Variants in ZFTA observed in about 807,000 individuals in gnomAD.
ZFTA encodes zinc finger translocation-associated protein.
A neutral mutation model predicts 41.8 loss-of-function variants in ZFTA; 35 were observed. The ratio of observed to expected loss-of-function variants is 0.84; its 90% CI spans 0.64 to 1.11. ZFTA has a LOEUF of 1.11. ZFTA is among the 50% of genes most tolerant of loss of function. The probability of loss-of-function intolerance (pLI) is 0.00; values close to 1 mark genes in which losing one functional copy is unlikely to be tolerated. For synonymous variants in ZFTA, 514 were observed against 436.4 expected (o/e 1.18, Z -2.22); for missense variants, 964 against 989.8 (o/e 0.97, Z 0.35).
rs540819049 is a variant in ZFTA at position 63,762,585 on chromosome 11, C to G, written c.*833G>C. On this transcript the variant is annotated 3_prime_UTR_variant, in exon 5 of 5. Coordinates refer to ENST00000433688, the MANE Select transcript of ZFTA (RefSeq NM_001144936.2). ...GCTGACTGCCGGGACCGCCTGTGCC[C>G]CGGGCTCCCACGGACTTGGTTTAGG... is the stretch of plus-strand genomic sequence containing the variant. The G allele has an allele frequency of 6.6e-6, 1 of 152,372 alleles. No homozygotes were observed. The highest frequency in any genetic ancestry group is 6.5e-5 in the Admixed American group (1 of 15,288). The allele number at this position is 152,372 out of a possible 1,614,324, so 9.4% of individuals were successfully genotyped here.
rs1232752082 is a variant in ZFTA at position 63,764,147 on chromosome 11, C to A, written c.1476G>T (p.Pro492=). The A allele has an allele frequency of 3.0e-6, 4 of 1,351,538 alleles. No homozygotes were observed. Among genetic ancestry groups the A allele is most frequent in the Non-Finnish European group, 3.8e-6 (4 of 1,058,204 alleles). The allele number at this position is 1,351,538 out of a possible 1,614,324, so 83.7% of individuals were successfully genotyped here. A position where few individuals can be genotyped will look rare whatever the true frequency, so the allele number is the denominator to read the frequency against. Residue 492 remains proline, a synonymous_variant, in exon 4 of 5, where the codon CCG becomes CCT. Transcript: ENST00000433688. ...GGCCCTGGGGGGACTCGGGGCGGGG[C>A]GGCCCCAGGGCCAGCAGGTGGGCGG... ...EKAAHLLALG[P]PRPESPQGPI...
chr11:63,765,954 T>C lies in ZFTA; in HGVS notation c.490A>G (p.Ser164Gly). 1.3e-6 allele frequency: 2 copies of C among 1,551,776 alleles called. No individual in the cohort carries two copies. The highest frequency in any genetic ancestry group is 1.7e-6 in the Non-Finnish European group (2 of 1,146,996). Residue 164 changes from serine to glycine, a missense_variant, in exon 2 of 5, where the codon AGC (serine) becomes GGC (glycine). Coordinates refer to ENST00000433688, the MANE Select transcript of ZFTA (RefSeq NM_001144936.2). This position sits in a 1 kb window ranked among gnomAD's most constrained non-coding sequence, Gnocchi z 4.0. ...HWSPREKEVISNSWDAHLGLG... is the reference protein window; with the variant it reads ...HWSPREKEVIGNSWDAHLGLG... ...CCCAGGTGTGCATCCCAGCTGTTGC[T>C]GATGACTTCCTTCTCCCGGGGACTC...
At position 63,761,226 on chromosome 11, in the gene ZFTA, C is replaced by T. The variant is rs904626754; in HGVS notation, c.*2192G>A. On this transcript the variant is annotated 3_prime_UTR_variant, in exon 5 of 5. Transcript: ENST00000433688. ...GAGGTTCAAACTCACTGGGAATTTA[C>T]TTTTCAGTCAATTGACAACCCATTC... 1.3e-5 allele frequency: 2 copies of T among 152,230 alleles called. No homozygotes were observed. The highest frequency in any genetic ancestry group is 4.8e-5 in the African/African-American group (2 of 41,444). 9.4% of individuals were successfully genotyped at this position (152,230 alleles called of 1,614,324 possible).
Position 63,763,267 on chromosome 11 carries a change from C to T in ZFTA, c.*151G>A, listed in dbSNP as rs993971707. The T allele has an allele frequency of 1.6e-5, 7 of 437,676 alleles. No individual in the cohort carries two copies. The highest frequency in any genetic ancestry group is 2.3e-5 in the Non-Finnish European group (7 of 307,084). The allele number at this position is 437,676 out of a possible 1,614,324, so 27.1% of individuals were successfully genotyped here. A position where few individuals can be genotyped will look rare whatever the true frequency, so the allele number is the denominator to read the frequency against. On this transcript the variant is annotated 3_prime_UTR_variant, in exon 5 of 5. Coordinates refer to ENST00000433688, the MANE Select transcript of ZFTA (RefSeq NM_001144936.2). ...ACGCCGGTGGCCCCACCCGATCCCCCGTCTCCGCCCGGCCCGGCCAGCGGG... is the reference window on the plus strand; with the variant it reads ...ACGCCGGTGGCCCCACCCGATCCCCTGTCTCCGCCCGGCCCGGCCAGCGGG...
chr11:63,763,568 C>T lies in ZFTA; in HGVS notation c.1887G>A (p.Met629Ile). 6.5e-7 allele frequency: 1 copy of T among 1,548,322 alleles called. No homozygotes were observed. The highest frequency in any genetic ancestry group is 1.4e-5 in the African/African-American group (1 of 72,976). The change falls in exon 5 of 5, where the codon ATG (methionine) becomes ATA (isoleucine). Residue 629 changes from methionine (M) to isoleucine (I), a missense_variant. Met to Ile is a conservative substitution (Grantham distance 10). Around this residue, in one of 5 missense-constraint regions of ZFTA, gnomAD observed 63 missense variants for 97.8 expected, o/e 0.64. Transcript: ENST00000433688. Reference sequence around the variant, plus strand: ...TCTGGCGCTCCTCAGGCGTGAAGTCCATGGAGAAGGGGTGCACCTGCAGGA... The same window carrying T: ...TCTGGCGCTCCTCAGGCGTGAAGTCTATGGAGAAGGGGTGCACCTGCAGGA... ...RHILQVHPFS[M>I]DFTPEERQTI...
rs2014586704 is a variant in ZFTA at position 63,759,940 on chromosome 11, T to C, written c.*3478A>G. ...CTTTATTCTTTATACACAGTTTGGG[T>C]AAAGTAAGAACCAAACACTGCTTCC... On this transcript the variant is annotated 3_prime_UTR_variant, in exon 5 of 5. Coordinates refer to ENST00000433688, the MANE Select transcript of ZFTA (RefSeq NM_001144936.2). 6.6e-6 allele frequency: 1 copy of C among 151,902 alleles called. No individual in the cohort carries two copies. The highest frequency in any genetic ancestry group is 2.1e-4 in the South Asian group (1 of 4,796). 9.4% of individuals were successfully genotyped at this position (151,902 alleles called of 1,614,324 possible).
rs1390310543 is a variant in ZFTA at position 63,761,250 on chromosome 11, TC to T, written c.*2167del. 1 of 152,226 alleles carries T rather than the reference TC, an allele frequency of 6.6e-6. No homozygotes were observed. The highest frequency in any genetic ancestry group is 1.5e-5 in the Non-Finnish European group (1 of 68,046). The allele number at this position is 152,226 out of a possible 1,614,324, so 9.4% of individuals were successfully genotyped here. A position where few individuals can be genotyped will look rare whatever the true frequency, so the allele number is the denominator to read the frequency against. ...ACTTTTCAGTCAATTGACAACCCAT[TC>T]AGGATCTTCCTGAATCCCTGGTGGC... is the stretch of plus-strand genomic sequence containing the variant. On this transcript the variant is annotated 3_prime_UTR_variant, in exon 5 of 5. Transcript: ENST00000433688.
At position 63,764,310 on chromosome 11, in the gene ZFTA, A is replaced by G; in HGVS notation, c.1313T>C (p.Val438Ala). The G allele has an allele frequency of 7.1e-7, 1 of 1,408,854 alleles. No individual in the cohort carries two copies. Among genetic ancestry groups the G allele is most frequent in the Non-Finnish European group, 9.2e-7 (1 of 1,087,266 alleles). 87.3% of individuals were successfully genotyped at this position (1,408,854 alleles called of 1,614,324 possible). ...CAGCGCGCCCCCGCACACCCCGCAC[A>G]CCAGGCCGCGCCGGCCGCCGTCCAA... ...MELDGGRRGLVCGVCGGALAS... is the reference protein window; with the variant it reads ...MELDGGRRGLACGVCGGALAS... Residue 438 changes from valine (V) to alanine (A), a missense_variant, in exon 4 of 5, where the codon GTG becomes GCG. Physicochemically the swap from Val to Ala is moderately conservative, Grantham distance 64. Around this residue, in one of 5 missense-constraint regions of ZFTA, gnomAD observed 584 missense variants for 523.1 expected, o/e 1.12. Transcript: ENST00000433688.
chr11:63,768,078 C>T (rs1014533718), intron 1 of ZFTA, among the ~76,000 whole-genome samples: 1 of 152,124 alleles, frequency 6.6e-6, no homozygotes, highest in African/African-American at 2.4e-5. Context: ...GGAAAAGCCC[C>T]CGAAGGGGAC....
At chr11:63,764,843 T>A in intron 3 of ZFTA, 25 bp downstream of exon 3, 1 of 1,451,260 alleles carries the variant, frequency 6.9e-7, no homozygotes, top group Non-Finnish European at 9.0e-7. Flanking sequence ...TATGAGGGGG[T>A]CTCAGCCTGG....
At chr11:63,766,738 C>T (rs2014752811) in intron 1 of ZFTA, among the ~76,000 whole-genome samples, 1 of 152,132 alleles carries the variant, frequency 6.6e-6, no homozygotes, top group Non-Finnish European at 1.5e-5. Flanking sequence ...GCACACGGGA[C>T]CCACCCACCT....
Position 63,768,663 on chromosome 11 carries a change from G to A in ZFTA, c.-41C>T. ...GCGGGGCCCCGGGGCGGCGGGGCGC[G>A]GGGCCGCGGGGCCGGCGGCAGCCCG... is the stretch of plus-strand genomic sequence containing the variant. On this transcript the variant is annotated 5_prime_UTR_variant, in exon 1 of 5. Transcript: ENST00000433688. 2 of 934,132 alleles carry A rather than the reference G, an allele frequency of 2.1e-6. No homozygotes were observed. Among genetic ancestry groups the A allele is most frequent in the Non-Finnish European group, 2.5e-6 (2 of 787,642 alleles). The allele number at this position is 934,132 out of a possible 1,614,324, so 57.9% of individuals were successfully genotyped here. A position where few individuals can be genotyped will look rare whatever the true frequency, so the allele number is the denominator to read the frequency against.
Position 63,763,868 on chromosome 11 carries a change from G to A in ZFTA, c.1587C>T (p.Gly529=). 1 of 1,421,416 alleles carries A rather than the reference G, an allele frequency of 7.0e-7. No individual in the cohort carries two copies. Among genetic ancestry groups the A allele is most frequent in the Middle Eastern group, 2.1e-4 (1 of 4,672 alleles). 88.1% of individuals were successfully genotyped at this position (1,421,416 alleles called of 1,614,324 possible). The change falls in exon 5 of 5, where the codon GGC becomes GGT. Residue 529 remains glycine, a splice_region_variant and synonymous_variant. Transcript: ENST00000433688. ...EEPEEEEEEW[G]DVPLSPGAPL... is the part of the protein sequence containing the mutation. ...GAGCTCCAGGGGACAGCGGAACGTC[G>A]CCTAAGGAGGGACAAAGGACCGCAT...
chr11:63,765,808 T>TG lies in ZFTA; in HGVS notation c.635dup (p.Gly213ArgfsTer65). 1 of 1,476,484 alleles carries TG rather than the reference T, an allele frequency of 6.8e-7. No homozygotes were observed. Among genetic ancestry groups the TG allele is most frequent in the Non-Finnish European group, 9.0e-7 (1 of 1,115,194 alleles). The allele number at this position is 1,476,484 out of a possible 1,614,324, so 91.5% of individuals were successfully genotyped here. On this transcript the variant is annotated frameshift_variant and splice_region_variant, in exon 2 of 5. Transcript: ENST00000433688. LOFTEE classifies it high-confidence loss of function. This position sits in a 1 kb window ranked among gnomAD's most constrained non-coding sequence, Gnocchi z 4.0. ...GTACAGAATCTGCATTTGCATTACC[T>TG]GGGCCCTTGGGCGGGCAAGCTGGGA...
rs749993667 is a variant in ZFTA at position 63,760,283 on chromosome 11, A to C, written c.*3135T>G. 1.3e-5 allele frequency: 2 copies of C among 152,180 alleles called. No homozygotes were observed. The highest frequency in any genetic ancestry group is 2.9e-5 in the Non-Finnish European group (2 of 68,038). The allele number at this position is 152,180 out of a possible 1,614,324, so 9.4% of individuals were successfully genotyped here. A position where few individuals can be genotyped will look rare whatever the true frequency, so the allele number is the denominator to read the frequency against. On this transcript the variant is annotated 3_prime_UTR_variant, in exon 5 of 5. Transcript: ENST00000433688. ...GTGGAAAATGGGAACTAAATACATCATCAGGTCTTCATTGAAAGAACTTGA... is the reference window on the plus strand; with the variant it reads ...GTGGAAAATGGGAACTAAATACATCCTCAGGTCTTCATTGAAAGAACTTGA...
Position 63,763,224 on chromosome 11 carries a change from C to T in ZFTA, c.*194G>A, listed in dbSNP as rs1392154145. The T allele has an allele frequency of 2.9e-5, 7 of 242,986 alleles. No individual in the cohort carries two copies. Among genetic ancestry groups the T allele is most frequent in the Non-Finnish European group, 5.3e-5 (7 of 131,908 alleles). The allele number at this position is 242,986 out of a possible 1,614,324, so 15.1% of individuals were successfully genotyped here. ...GCAGCGCACCGACTGGCTCAGGGAC[C>T]CAAGTGGCACCGCGCAGACGCCGGT... On this transcript the variant is annotated 3_prime_UTR_variant, in exon 5 of 5. Transcript: ENST00000433688.
intron 1 of ZFTA, among the ~76,000 whole-genome samples, chr11:63,766,530 G>A (rs1012861364): frequency 1.3e-5 from 2 of 152,166 alleles, no homozygotes; most frequent in Non-Finnish European, 2.9e-5. Flanking sequence ...AAAGGACGCA[G>A]GGCACTGTGG....
At position 63,764,864 on chromosome 11, in the gene ZFTA, GCA is replaced by G; in HGVS notation, c.1024+2_1024+3del. 1 of 1,476,674 alleles carries G rather than the reference GCA, an allele frequency of 6.8e-7. No individual in the cohort carries two copies. Among genetic ancestry groups the G allele is most frequent in the Non-Finnish European group, 9.0e-7 (1 of 1,116,518 alleles). The allele number at this position is 1,476,674 out of a possible 1,614,324, so 91.5% of individuals were successfully genotyped here. ...GGGGTCTCAGCCTGGGATGGGCCTC[GCA>G]CCTGGTGGGGACTGGGTGAGCTCAG... On this transcript the variant is annotated splice_donor_variant and splice_donor_region_variant and intron_variant, in intron 3 of 4. Transcript: ENST00000433688. LOFTEE classifies it high-confidence loss of function.
Position 63,763,598 on chromosome 11 carries a change from G to A in ZFTA, c.1857C>T (p.Arg619=), listed in dbSNP as rs1201198743. 5.8e-6 allele frequency: 9 copies of A among 1,548,952 alleles called. No individual in the cohort carries two copies. Among genetic ancestry groups the A allele is most frequent in the Non-Finnish European group, 7.9e-6 (9 of 1,145,566 alleles). Residue 619 remains arginine (R), a synonymous_variant, in exon 5 of 5, where the codon CGC becomes CGT. Transcript: ENST00000433688. ...LATLKVSTIK[R]HILQVHPFSM... ...AGAAGGGGTGCACCTGCAGGATGTG[G>A]CGCTTGATGGTGCTCACCTTGAGCG... is the stretch of plus-strand genomic sequence containing the variant.
Sources: allele counts gnomAD v4.1 joint callset (sites outside exome capture counted in the v4.1 genomes callset), GRCh38; gene constraint gnomAD v4.1.1; regional missense constraint gnomAD v4.1.1; non-coding constraint Gnocchi (gnomAD v3.1); transcripts MANE v1.5; gene names NCBI Gene and HGNC (gene_info 2026-07-23, HGNC 2026-07-21).